Variants in ZNF385B observed in about 807,000 individuals in gnomAD.
ZNF385B encodes zinc finger protein 533.
ZNF385B carries 23 observed loss-of-function variants against 39.2 expected under a neutral mutation model. The ratio of observed to expected loss-of-function variants is 0.59; its 90% confidence interval spans 0.42 to 0.83. The LOEUF (loss-of-function observed/expected upper bound fraction) is 0.83, where lower values mean the gene tolerates loss of function less well. Among genes scored for constraint, ZNF385B ranks in the 40% least tolerant of loss-of-function variants. The pLI is 0.00. For missense variants in ZNF385B, 552 were observed against 598.9 expected, an observed-to-expected ratio of 0.92 and a Z score of 0.82; for synonymous variants, 205 against 222.6, an observed-to-expected ratio of 0.92 and a Z score of 0.70.
chr2:179,499,016 G>C (rs2056512745), intron 5 of ZNF385B, among the ~76,000 whole-genome samples: 1 of 151,774 alleles, frequency 6.6e-6, no homozygotes, highest in Non-Finnish European at 1.5e-5. Flanking sequence ...AAAGTTAAAG[G>C]GTCATTAGTG....
At chr2:179,813,890 G>C (rs961417092) in intron 1 of ZNF385B, among the ~76,000 whole-genome samples, 1 of 152,088 alleles carries the variant, frequency 6.6e-6, no homozygotes, top group Non-Finnish European at 1.5e-5. Context: ...AAATAATGTG[G>C]AATGTAGTAA....
At chr2:179,816,424 T>C (rs1707075040) in intron 1 of ZNF385B, among the ~76,000 whole-genome samples, 1 of 152,158 alleles carries the variant, frequency 6.6e-6, no homozygotes, top group Admixed American at 6.5e-5. Context: ...TGGGAGTGAT[T>C]CCTTAAAAAC....
intron 5 of ZNF385B, among the ~76,000 whole-genome samples, chr2:179,483,763 A>G (rs1024813299): frequency 6.6e-6 from 1 of 152,162 alleles, no homozygotes; most frequent in African/African-American, 2.4e-5. Flanking sequence ...CTTTTCAAAC[A>G]TTGGCTGGCA....
chr2:179,576,872 T>C lies in ZNF385B; in HGVS notation c.299-31903A>G, dbSNP rs372881352. Among the ~76,000 whole-genome samples the C allele has an allele frequency of 7.6e-4, 115 of 152,238 alleles. 2 individuals are homozygous for C. The South Asian group carries it at 0.023, about 30-fold the overall frequency. On this transcript the variant is annotated intron_variant, in intron 3 of 9. Coordinates refer to ENST00000410066, the MANE Select transcript of ZNF385B (RefSeq NM_152520.6). The stretch of plus-strand genomic sequence containing the variant: ...TTCAACAAACACAGGGTAAGTCCAA[T>C]TGATCATCTTGTTCCAGGAATCTCT...
chr2:179,775,736 T>C (rs915818649), intron 1 of ZNF385B, among the ~76,000 whole-genome samples: 1 of 152,192 alleles, frequency 6.6e-6, no homozygotes, highest in African/African-American at 2.4e-5. Flanking sequence ...TCTTAGAGGA[T>C]CTTCGTATTA....
chr2:179,650,542 C>T (rs541075643), intron 3 of ZNF385B, among the ~76,000 whole-genome samples: 5 of 152,242 alleles, frequency 3.3e-5, no homozygotes, highest in South Asian at 4.1e-4. Flanking sequence ...AACATGATAT[C>T]CTTCATGCTT....
chr2:179,792,375 CTTTT>C, intron 1 of ZNF385B, among the ~76,000 whole-genome samples: 1 of 124,108 alleles, frequency 8.1e-6, no homozygotes, highest in African/African-American at 3.1e-5. Context: ...ATTTTCTTTT[CTTTT>C]TTTTTTTTTT....
At chr2:179,660,167 G>A (rs1000357211) in intron 3 of ZNF385B, 1 of 152,454 alleles carries the variant, frequency 6.6e-6, no homozygotes, top group East Asian at 1.9e-4. Flanking sequence ...ACATTAACCT[G>A]CCACCGGTTT....
intron 3 of ZNF385B, among the ~76,000 whole-genome samples, chr2:179,671,799 C>CT (rs1333028443): frequency 6.6e-6 from 1 of 152,258 alleles, no homozygotes; most frequent in East Asian, 1.9e-4. Flanking sequence ...GCCAGCAAAG[C>CT]AGTGGGGGTG....
Position 179,568,420 on chromosome 2 carries a change from G to C in ZNF385B, c.299-23451C>G, listed in dbSNP as rs747210260. On this transcript the variant is annotated intron_variant, in intron 3 of 9. Transcript: ENST00000410066. ...ACTATATTCCCAGTTTCTAGAGCAG[G>C]GCCAGGCCTATGGTAGGTACTCAAT... Among the ~76,000 whole-genome samples, 58 of 152,216 alleles carry C rather than the reference G, an allele frequency of 3.8e-4. No homozygotes were observed. In the Middle Eastern group the frequency reaches 0.01, roughly 27 times the overall value.
intron 3 of ZNF385B, among the ~76,000 whole-genome samples, chr2:179,708,569 G>T (rs1046157474): frequency 6.6e-6 from 1 of 152,142 alleles, no homozygotes; most frequent in Non-Finnish European, 1.5e-5. Flanking sequence ...TGGGAAGACC[G>T]CTACCAAAAC....
At chr2:179,728,239 A>G (rs1701148048) in intron 3 of ZNF385B, among the ~76,000 whole-genome samples, 1 of 152,010 alleles carries the variant, frequency 6.6e-6, no homozygotes, top group Non-Finnish European at 1.5e-5. Context: ...AACATTACCC[A>G]TTTTCTTCTC....
chr2:179,605,937 A>T (rs947205024), intron 3 of ZNF385B, among the ~76,000 whole-genome samples: 4 of 152,152 alleles, frequency 2.6e-5, no homozygotes, highest in Non-Finnish European at 4.4e-5. Context: ...GTGAACATTA[A>T]TATCTAGCTG....
At chr2:179,615,149 A>G (rs919757589) in intron 3 of ZNF385B, among the ~76,000 whole-genome samples, 1 of 152,200 alleles carries the variant, frequency 6.6e-6, no homozygotes, top group African/African-American at 2.4e-5. Flanking sequence ...GCAGCTGAAT[A>G]GTTTTCACAT....
chr2:179,530,419 G>A (rs1189340453), intron 4 of ZNF385B, among the ~76,000 whole-genome samples: 4 of 152,014 alleles, frequency 2.6e-5, no homozygotes, highest in South Asian at 2.1e-4. Flanking sequence ...TTTGGTAAAC[G>A]AGCTCAAAAA....
intron 3 of ZNF385B, among the ~76,000 whole-genome samples, chr2:179,722,314 T>C (rs1401063764): frequency 1.3e-5 from 2 of 152,118 alleles, no homozygotes; most frequent in East Asian, 3.8e-4. Flanking sequence ...AGAAAAACAA[T>C]GTGTAGTGCT....
Position 179,792,109 on chromosome 2 carries a change from T to C in ZNF385B, c.-154-21437A>G, listed in dbSNP as rs180795266. 1.3e-4 allele frequency among the ~76,000 whole-genome samples: 20 copies of C among 152,276 alleles called. No homozygotes were observed. The East Asian group carries it at 3.7e-3, about 28-fold the overall frequency. Reference sequence around the variant, plus strand: ...TCAAAATATTATTTCTCCTGATTACTGGACTTTTGGCACCCCCTAAAGTGT... The same window carrying C: ...TCAAAATATTATTTCTCCTGATTACCGGACTTTTGGCACCCCCTAAAGTGT... On this transcript the variant is annotated intron_variant, in intron 1 of 9. Coordinates refer to ENST00000410066, the MANE Select transcript of ZNF385B (RefSeq NM_152520.6).
At chr2:179,675,704 G>T (rs1449428664) in intron 3 of ZNF385B, among the ~76,000 whole-genome samples, 1 of 152,124 alleles carries the variant, frequency 6.6e-6, no homozygotes, top group Non-Finnish European at 1.5e-5. Context: ...AGGCCAAGGA[G>T]TGCTTTGTGT....
chr2:179,817,225 A>G (rs1707122742), intron 1 of ZNF385B, among the ~76,000 whole-genome samples: 1 of 152,254 alleles, frequency 6.6e-6, no homozygotes, highest in South Asian at 2.1e-4. Context: ...GAAAGCAAGT[A>G]ACTGAAAGTA....
Sources: allele counts gnomAD v4.1 joint callset (sites outside exome capture counted in the v4.1 genomes callset), GRCh38; gene constraint gnomAD v4.1.1; transcripts MANE v1.5; gene names NCBI Gene and HGNC (gene_info 2026-07-23, HGNC 2026-07-21).